VWA8: variants seen among roughly 807,000 people sequenced by gnomAD.
VWA8 encodes the protein von Willebrand factor A domain-containing protein 8.
VWA8 carries 221 observed loss-of-function variants against 241.5 expected under a neutral mutation model. The observed-to-expected ratio is 0.91, with a 90% CI of 0.82 to 1.02. The LOEUF is 1.02. Ranked by LOEUF, VWA8 falls within the 50% of genes least tolerant of loss-of-function variation. VWA8 has a pLI of 0.00. For synonymous variants in VWA8, 852 were observed against 827.1 expected, an observed-to-expected ratio of 1.03 and a Z score of -0.52; for missense variants, 2,322 against 2,328.7, an observed-to-expected ratio of 1.00 and a Z score of 0.06.
intron 37 of VWA8, among the ~76,000 whole-genome samples, chr13:41,663,346 G>A (rs1333547281): frequency 6.6e-6 from 1 of 151,912 alleles, no homozygotes; most frequent in Admixed American, 6.6e-5. Context: ...ATTCCTACTT[G>A]TTATTATTTT....
intron 2 of VWA8, among the ~76,000 whole-genome samples, chr13:41,948,109 C>T (rs1401286276): frequency 2.6e-5 from 4 of 151,900 alleles, no homozygotes; most frequent in Non-Finnish European, 5.9e-5. Flanking sequence ...TCACAATAGT[C>T]CGAAAGTGGA....
chr13:41,843,919 G>C (rs530286093), intron 12 of VWA8, among the ~76,000 whole-genome samples: 18 of 152,108 alleles, frequency 1.2e-4, no homozygotes, highest in African/African-American at 4.3e-4. Flanking sequence ...TCAAAAAAGA[G>C]CTGGTACCAA....
chr13:41,727,665 G>C (rs1220058764), intron 23 of VWA8, among the ~76,000 whole-genome samples: 1 of 152,088 alleles, frequency 6.6e-6, no homozygotes, highest in African/African-American at 2.4e-5. Context: ...CATAATAAGG[G>C]AGAATCCAAG....
rs9315856 is a variant in VWA8 at position 41,667,112 on chromosome 13, A to G, written c.4611+3834T>C. On this transcript the variant is annotated intron_variant, in intron 37 of 44. Coordinates refer to ENST00000379310, the MANE Select transcript of VWA8 (RefSeq NM_015058.2). Reference sequence around the variant, plus strand: ...ATAGAGGATCTGAAGATTACCTAGCATGTAAATTTACTAATAGTCAGCCAG... The same window carrying G: ...ATAGAGGATCTGAAGATTACCTAGCGTGTAAATTTACTAATAGTCAGCCAG... Among the ~76,000 whole-genome samples, 22 of 152,200 alleles carry G rather than the reference A, an allele frequency of 1.4e-4. No individual in the cohort carries two copies. The South Asian group carries it at 1.5e-3, about 10-fold the overall frequency.
In VWA8 at chr13:41,908,334, C is replaced by T. The variant is rs191615150; in HGVS notation, c.373-638G>A. Among the ~76,000 whole-genome samples the T allele has an allele frequency of 2.0e-3, 299 of 152,102 alleles. 1 individual carries two copies. The highest frequency in any genetic ancestry group is 6.8e-3 in the Middle Eastern group (2 of 294). On this transcript the variant is annotated intron_variant, in intron 3 of 44. Coordinates refer to ENST00000379310, the MANE Select transcript of VWA8 (RefSeq NM_015058.2). The stretch of plus-strand genomic sequence containing the variant: ...TACAAAAATTAGCCAGGTATGGTGG[C>T]GCATGCCTGTAGTCCCTGCTACTCG...
intron 37 of VWA8, among the ~76,000 whole-genome samples, chr13:41,662,437 TGTTA>T (rs1337491256): frequency 1.3e-5 from 2 of 152,114 alleles, no homozygotes; most frequent in African/African-American, 4.8e-5. Flanking sequence ...AAATTTTAAT[TGTTA>T]GTTATCAATT....
intron 4 of VWA8, among the ~76,000 whole-genome samples, chr13:41,894,656 A>ATT (rs1362511910): frequency 6.6e-6 from 1 of 152,234 alleles, no homozygotes; most frequent in Non-Finnish European, 1.5e-5. Context: ...ATATACTCAA[A>ATT]TATCTCCTCA....
chr13:41,599,562 G>A (rs2044508665), intron 40 of VWA8, among the ~76,000 whole-genome samples: 1 of 152,166 alleles, frequency 6.6e-6, no homozygotes, highest in South Asian at 2.1e-4. Context: ...CGAATGATGA[G>A]ATACAAAACT....
intron 21 of VWA8, among the ~76,000 whole-genome samples, chr13:41,758,369 C>A (rs1216387211): frequency 1.4e-5 from 1 of 72,984 alleles, no homozygotes. Context: ...TAGATACTAG[C>A]ATATATATAT....
chr13:41,699,488 T>C (rs1192435578), intron 28 of VWA8, among the ~76,000 whole-genome samples: 2 of 152,112 alleles, frequency 1.3e-5, no homozygotes, highest in African/African-American at 2.4e-5. Flanking sequence ...CTTGAAAAAA[T>C]TGGTTATCTA....
intron 21 of VWA8, among the ~76,000 whole-genome samples, 163 bp from the exon 22 acceptor site, chr13:41,732,318 C>A (rs929132079): frequency 1.5e-4 from 23 of 151,958 alleles, no homozygotes; most frequent in African/African-American, 5.5e-4. Flanking sequence ...ATTTGAGTAA[C>A]AATACTTTGT....
rs2045389557 is a variant in VWA8, at chr13:41,721,416, T to C, written c.2918A>G (p.Tyr973Cys). The C allele has an allele frequency of 3.1e-6, 5 of 1,613,834 alleles. 1 individual carries two copies. In the South Asian group the frequency reaches 3.3e-5, roughly 11 times the overall value. Residue 973 changes from tyrosine to cysteine, a missense_variant, in exon 25 of 45, where the codon TAT (tyrosine) becomes TGT (cysteine). Tyr to Cys is a radical substitution (Grantham distance 194, BLOSUM62 -2). Coordinates refer to ENST00000379310, the MANE Select transcript of VWA8 (RefSeq NM_015058.2). Reference protein sequence around the residue: ...RSLADQGIINYPYSTREVVNI... With the variant: ...RSLADQGIINCPYSTREVVNI... Reference sequence around the variant, plus strand: ...GACAACTTCTCTGGTAGAATAAGGATAGTTAATAATCCCTTGGTCAGCCAA... The same window carrying C: ...GACAACTTCTCTGGTAGAATAAGGACAGTTAATAATCCCTTGGTCAGCCAA...
At chr13:41,951,009 C>A (rs1012226076) in intron 1 of VWA8, among the ~76,000 whole-genome samples, 1 of 152,092 alleles carries the variant, frequency 6.6e-6, no homozygotes, top group Non-Finnish European at 1.5e-5. Flanking sequence ...AACCTTTTTA[C>A]ATATCTTTGT....
chr13:41,858,146 A>G (rs528776341), intron 12 of VWA8, among the ~76,000 whole-genome samples: 20 of 152,312 alleles, frequency 1.3e-4, no homozygotes, highest in African/African-American at 4.3e-4. Flanking sequence ...CTCAGCCTCC[A>G]TAATCTCACA....
chr13:41,856,585 C>A (rs757670776), intron 12 of VWA8, among the ~76,000 whole-genome samples: 53 of 152,240 alleles, frequency 3.5e-4, no homozygotes, highest in Non-Finnish European at 6.6e-4. Context: ...CTTTGGGAGA[C>A]CAAGGCGGGA....
chr13:41,889,382 AT>A (rs35477701), intron 5 of VWA8, among the ~76,000 whole-genome samples: 213 of 141,374 alleles, frequency 1.5e-3, no homozygotes, highest in Admixed American at 2.3e-3. Context: ...TACTAAGCCT[AT>A]TTTTTTTTTT....
chr13:41,873,057 C>A (rs1281666330), intron 9 of VWA8, among the ~76,000 whole-genome samples: 1 of 152,048 alleles, frequency 6.6e-6, no homozygotes, highest in African/African-American at 2.4e-5. Flanking sequence ...GTATTTTATT[C>A]TCTTTGAAGC....
At chr13:41,925,982 A>G (rs1876812276) in intron 2 of VWA8, 3 of 388,382 alleles carry the variant, frequency 7.7e-6, no homozygotes, top group African/African-American at 2.1e-5. Flanking sequence ...TAAAGGTGGC[A>G]GGTAGGATCC....
intron 2 of VWA8, among the ~76,000 whole-genome samples, chr13:41,948,689 T>C (rs1877974760): frequency 6.6e-6 from 1 of 152,062 alleles, no homozygotes; most frequent in Admixed American, 6.5e-5. Flanking sequence ...AGTTAAAAAG[T>C]TAAACAGGCA....
Sources: allele counts gnomAD v4.1 joint callset (sites outside exome capture counted in the v4.1 genomes callset), GRCh38; gene constraint gnomAD v4.1.1; transcripts MANE v1.5; gene names NCBI Gene and HGNC (gene_info 2026-07-23, HGNC 2026-07-21).